Variants in SIK2 observed in about 807,000 individuals in gnomAD.
SIK2 encodes salt inducible kinase 2.
Under a neutral mutation model 103.2 loss-of-function variants are expected in SIK2, and 29 were observed. The observed-to-expected ratio is 0.28, with a 90% CI of 0.21 to 0.38. The LOEUF is 0.38. Ranked by LOEUF, SIK2 falls within the 10% of genes least tolerant of loss-of-function variation. The pLI is 1.00. For missense variants in SIK2, 879 were observed against 1,171.0 expected, an observed-to-expected ratio of 0.75 and a Z score of 3.64; for synonymous variants, 412 against 446.1, an observed-to-expected ratio of 0.92 and a Z score of 0.96.
At chr11:111,671,288 C>A (rs1942624290) in intron 3 of SIK2, 1 of 243,268 alleles carries the variant, frequency 4.1e-6, no homozygotes, top group South Asian at 5.7e-5. Flanking sequence ...TCCTGGTACT[C>A]ATGCAGCTCC....
intron 3 of SIK2, among the ~76,000 whole-genome samples, chr11:111,628,895 A>G (rs979266906): frequency 1.3e-5 from 2 of 152,096 alleles, no homozygotes; most frequent in African/African-American, 4.8e-5. Context: ...AGAGTCGTAT[A>G]AAGACCAGTT....
At chr11:111,642,729 A>G (rs541084989) in intron 3 of SIK2, among the ~76,000 whole-genome samples, 12 of 149,448 alleles carry the variant, frequency 8.0e-5, no homozygotes, top group African/African-American at 2.7e-4. Context: ...CGCTAGTCAC[A>G]TGGTTGGTTC....
Position 111,638,141 on chromosome 11 carries a change from C to A in SIK2, c.316+17739C>A, listed in dbSNP as rs998812505. Among the ~76,000 whole-genome samples, 5 of 152,306 alleles carry A rather than the reference C, an allele frequency of 3.3e-5. No individual in the cohort carries two copies. The South Asian group carries it at 1.0e-3, about 32-fold the overall frequency. On this transcript the variant is annotated intron_variant, in intron 3 of 14. Coordinates refer to ENST00000304987, the MANE Select transcript of SIK2 (RefSeq NM_015191.3). The stretch of plus-strand genomic sequence containing the variant: ...CCAAGAGAAGATTCTTTGTCTTCTA[C>A]CCATAAGGTAAAGCCTGGTTGCCAT...
In SIK2 at chr11:111,687,386, G is replaced by A. The variant is rs1010454802; in HGVS notation, c.317-615G>A. On this transcript the variant is annotated intron_variant, in intron 3 of 14. Coordinates refer to ENST00000304987, the MANE Select transcript of SIK2 (RefSeq NM_015191.3). ...AAAAATTAGCTGGGCATGGTGGCAG[G>A]TACCTGCAATCCCAGCTACTCGGGA... Among the ~76,000 whole-genome samples, 12 of 151,442 alleles carry A rather than the reference G, an allele frequency of 7.9e-5. No individual in the cohort carries two copies. In the East Asian group the frequency reaches 2.4e-3, roughly 30 times the overall value.
chr11:111,709,387 G>A (rs915111084), intron 8 of SIK2, among the ~76,000 whole-genome samples: 2 of 152,174 alleles, frequency 1.3e-5, no homozygotes, highest in African/African-American at 4.8e-5. Context: ...GTGAATTTTG[G>A]CAGGACACAA....
chr11:111,674,023 G>A (rs1165429496), intron 3 of SIK2, among the ~76,000 whole-genome samples: 1 of 150,076 alleles, frequency 6.7e-6, no homozygotes. Context: ...GCAGTGAGCT[G>A]AGATCGCACC....
At chr11:111,681,143 T>TA (rs1242325408) in intron 3 of SIK2, among the ~76,000 whole-genome samples, 3 of 152,224 alleles carry the variant, frequency 2.0e-5, no homozygotes, top group African/African-American at 7.2e-5. Flanking sequence ...AGATTATTCT[T>TA]ACAAAAATTC....
chr11:111,661,232 G>A (rs193196686), intron 3 of SIK2, among the ~76,000 whole-genome samples: 5 of 152,284 alleles, frequency 3.3e-5, no homozygotes, highest in African/African-American at 7.2e-5. Flanking sequence ...AGCCCAGAAA[G>A]TTCTTCTTTT....
At chr11:111,680,305 T>G (rs1157971128) in intron 3 of SIK2, among the ~76,000 whole-genome samples, 1 of 152,214 alleles carries the variant, frequency 6.6e-6, no homozygotes, top group East Asian at 1.9e-4. Flanking sequence ...TCATCATTCA[T>G]GGTGGTCATA....
chr11:111,609,719 A>G (rs1047966450), intron 1 of SIK2, among the ~76,000 whole-genome samples: 2 of 152,228 alleles, frequency 1.3e-5, no homozygotes, highest in Non-Finnish European at 2.9e-5. Flanking sequence ...CTGAGAGGGT[A>G]ACTAGAGAAT....
chr11:111,621,243 C>CA (rs1941881532), intron 3 of SIK2, among the ~76,000 whole-genome samples: 2 of 152,162 alleles, frequency 1.3e-5, no homozygotes, highest in African/African-American at 4.8e-5. Context: ...ATCTGACACC[C>CA]AAAAAACCAC....
At chr11:111,680,731 G>A (rs1401345678) in intron 3 of SIK2, among the ~76,000 whole-genome samples, 1 of 152,148 alleles carries the variant, frequency 6.6e-6, no homozygotes, top group Non-Finnish European at 1.5e-5. Flanking sequence ...TCTTATCCCT[G>A]GGGGAAGAGA....
At chr11:111,658,402 A>T (rs1462914589) in intron 3 of SIK2, among the ~76,000 whole-genome samples, 2 of 152,148 alleles carry the variant, frequency 1.3e-5, no homozygotes, top group Non-Finnish European at 2.9e-5. Flanking sequence ...CTGGGATTAC[A>T]GGCATGAGCC....
At position 111,715,946 on chromosome 11, in the gene SIK2, C is replaced by T. The variant is rs1010865435; in HGVS notation, c.1266+3571C>T. Among the ~76,000 whole-genome samples the T allele has an allele frequency of 2.6e-5, 4 of 151,804 alleles. No individual in the cohort carries two copies. The East Asian group carries it at 5.8e-4, about 22-fold the overall frequency. ...ACTCCTGAGTAGCTGGGAGTACAGGCGCCTGCCACCACACCCAGCTAAGTT... is the reference window on the plus strand; with the variant it reads ...ACTCCTGAGTAGCTGGGAGTACAGGTGCCTGCCACCACACCCAGCTAAGTT... On this transcript the variant is annotated intron_variant, in intron 9 of 14. Coordinates refer to ENST00000304987, the MANE Select transcript of SIK2 (RefSeq NM_015191.3).
At chr11:111,667,957 T>C (rs1284064132) in intron 3 of SIK2, among the ~76,000 whole-genome samples, 1 of 152,226 alleles carries the variant, frequency 6.6e-6, no homozygotes, top group African/African-American at 2.4e-5. Flanking sequence ...TTTTAGAATA[T>C]AGAAAATGTA....
chr11:111,684,649 C>T (rs956569380), intron 3 of SIK2, among the ~76,000 whole-genome samples: 1 of 152,190 alleles, frequency 6.6e-6, no homozygotes, highest in African/African-American at 2.4e-5. Flanking sequence ...GTGGACTTCC[C>T]AGCTCATCCA....
chr11:111,640,594 C>T (rs1942168071), intron 3 of SIK2, among the ~76,000 whole-genome samples: 1 of 151,810 alleles, frequency 6.6e-6, no homozygotes, highest in African/African-American at 2.4e-5. Flanking sequence ...GGTTTCCTGT[C>T]TTGGTATTTG....
At chr11:111,639,509 A>G (rs1175509012) in intron 3 of SIK2, among the ~76,000 whole-genome samples, 4 of 152,262 alleles carry the variant, frequency 2.6e-5, no homozygotes, top group African/African-American at 7.2e-5. Flanking sequence ...TTGTTTTAAA[A>G]GAAGGTTAAA....
chr11:111,609,776 T>G (rs142260870), intron 1 of SIK2, among the ~76,000 whole-genome samples: 3 of 152,226 alleles, frequency 2.0e-5, no homozygotes, highest in Admixed American at 6.5e-5. Flanking sequence ...AGTCTTTCAT[T>G]ATAGACCACT....
Sources: allele counts gnomAD v4.1 joint callset (sites outside exome capture counted in the v4.1 genomes callset), GRCh38; gene constraint gnomAD v4.1.1; transcripts MANE v1.5; gene names NCBI Gene and HGNC (gene_info 2026-07-23, HGNC 2026-07-21).